Variants in TMEM267 observed in about 807,000 individuals in gnomAD.
The protein encoded by TMEM267 is transmembrane protein C5orf28.
A neutral mutation model predicts 19.3 loss-of-function variants in TMEM267; 20 were observed. The observed-to-expected ratio is 1.04, with a 90% CI of 0.73 to 1.51. The LOEUF (loss-of-function observed/expected upper bound fraction) is 1.51. TMEM267 is among the 40% of genes most tolerant of loss of function. The pLI is 0.00. For missense variants in TMEM267, 242 were observed against 261.9 expected (o/e 0.92, Z 0.52); for synonymous variants, 88 against 90.3 (o/e 0.97, Z 0.15).
intron 1 of TMEM267, among the ~76,000 whole-genome samples, chr5:43,464,537 G>A (rs1194533689): frequency 2.0e-5 from 3 of 152,236 alleles, no homozygotes; most frequent in Non-Finnish European, 4.4e-5. Context: ...GAGGCATCAC[G>A]CTACCTGACT....
intron 1 of TMEM267, among the ~76,000 whole-genome samples, chr5:43,480,435 T>C (rs866989154): frequency 3.3e-5 from 5 of 152,188 alleles, no homozygotes; most frequent in Middle Eastern, 6.8e-3. Context: ...TGACTCAGTC[T>C]CCTGAGTAGC....
intron 1 of TMEM267, 102 bp from the exon 2 acceptor site, chr5:43,454,145 G>C: frequency 4.1e-6 from 3 of 736,356 alleles, no homozygotes; most frequent in Non-Finnish European, 4.0e-6. Flanking sequence ...ATAAAACCAA[G>C]ATGTAAATAC....
intron 1 of TMEM267, among the ~76,000 whole-genome samples, chr5:43,468,365 C>A (rs1236566495): frequency 1.9e-4 from 29 of 152,006 alleles, no homozygotes; most frequent in Non-Finnish European, 1.5e-5. Context: ...AGTCAGCTTG[C>A]ACAAGTTAAG....
At chr5:43,467,612 T>C (rs1488254525) in intron 1 of TMEM267, among the ~76,000 whole-genome samples, 1 of 152,128 alleles carries the variant, frequency 6.6e-6, no homozygotes, top group Non-Finnish European at 1.5e-5. Context: ...AAGAGAGAGA[T>C]AGGCCCCAAT....
intron 1 of TMEM267, among the ~76,000 whole-genome samples, chr5:43,476,471 C>A (rs1045012504): frequency 6.4e-5 from 8 of 125,288 alleles, no homozygotes; most frequent in African/African-American, 2.4e-4. Flanking sequence ...AGTAGTTCTG[C>A]TTCTTTGATG....
chr5:43,467,494 T>C (rs188365757), intron 1 of TMEM267, among the ~76,000 whole-genome samples: 23 of 152,320 alleles, frequency 1.5e-4, no homozygotes, highest in Middle Eastern at 6.8e-3. Context: ...ACAAGGTCAC[T>C]GTATAATGAC....
intron 1 of TMEM267, among the ~76,000 whole-genome samples, chr5:43,471,796 A>C (rs912994030): frequency 6.6e-6 from 1 of 152,186 alleles, no homozygotes; most frequent in Admixed American, 6.5e-5. Flanking sequence ...ATCAAATCAA[A>C]ATGGATTAAA....
chr5:43,481,566 T>C (rs566580323), intron 1 of TMEM267, among the ~76,000 whole-genome samples: 2 of 152,280 alleles, frequency 1.3e-5, no homozygotes, highest in South Asian at 4.1e-4. Context: ...TACAAAAAAC[T>C]GTATCACGGT....
chr5:43,462,016 C>A (rs1287721156), intron 1 of TMEM267, among the ~76,000 whole-genome samples: 1 of 152,216 alleles, frequency 6.6e-6, no homozygotes, highest in African/African-American at 2.4e-5. Flanking sequence ...AGGTCTGACC[C>A]AGCACAGTCA....
intron 2 of TMEM267, among the ~76,000 whole-genome samples, chr5:43,449,598 G>A (rs186506421): frequency 2.4e-4 from 37 of 152,302 alleles, no homozygotes; most frequent in Non-Finnish European, 1.2e-4. Context: ...AGCCCTCCAC[G>A]CAAAAGATAA....
intron 1 of TMEM267, among the ~76,000 whole-genome samples, chr5:43,465,206 A>G (rs1419376850): frequency 6.6e-6 from 1 of 152,256 alleles, no homozygotes; most frequent in Non-Finnish European, 1.5e-5. Context: ...ACATGAAAAA[A>G]TGCTCATCAT....
intron 1 of TMEM267, among the ~76,000 whole-genome samples, chr5:43,460,413 C>T (rs1322458562): frequency 6.6e-6 from 1 of 152,062 alleles, no homozygotes; most frequent in Non-Finnish European, 1.5e-5. Context: ...GAATAGAAGC[C>T]TCCACCAATC....
chr5:43,456,040 G>A (rs72756522), intron 1 of TMEM267, among the ~76,000 whole-genome samples: 4,565 of 151,154 alleles, frequency 0.03, 69 homozygotes, highest in Middle Eastern at 0.048. Flanking sequence ...CTCTAGAGAG[G>A]CCTCGAACTC....
intron 1 of TMEM267, 103 bp from the exon 2 acceptor site, chr5:43,454,146 A>C: frequency 1.3e-6 from 1 of 749,242 alleles, no homozygotes. Flanking sequence ...TAAAACCAAG[A>C]TGTAAATACT....
At chr5:43,469,700 C>G (rs376444585) in intron 1 of TMEM267, among the ~76,000 whole-genome samples, 3 of 152,188 alleles carry the variant, frequency 2.0e-5, no homozygotes, top group African/African-American at 7.2e-5. Context: ...ATCACTAAAT[C>G]AAGAGAAAAG....
At chr5:43,462,368 C>T (rs976127842) in intron 1 of TMEM267, among the ~76,000 whole-genome samples, 2 of 152,102 alleles carry the variant, frequency 1.3e-5, no homozygotes, top group Non-Finnish European at 2.9e-5. Context: ...GTCATCAATG[C>T]CCAGACACTG....
intron 1 of TMEM267, among the ~76,000 whole-genome samples, chr5:43,467,929 A>G (rs1369320110): frequency 6.6e-6 from 1 of 152,162 alleles, no homozygotes; most frequent in Admixed American, 6.5e-5. Flanking sequence ...TTTGAGCTGT[A>G]TCTGCCTTTC....
At chr5:43,472,337 T>C (rs1362374079) in intron 1 of TMEM267, among the ~76,000 whole-genome samples, 1 of 152,176 alleles carries the variant, frequency 6.6e-6, no homozygotes, top group African/African-American at 2.4e-5. Context: ...TGTACTCTCT[T>C]GGTGGGAATG....
chr5:43,463,586 C>T (rs1478383055), intron 1 of TMEM267, among the ~76,000 whole-genome samples: 1 of 152,170 alleles, frequency 6.6e-6, no homozygotes, highest in African/African-American at 2.4e-5. Flanking sequence ...AAAATCCACC[C>T]CACCATGATC....
Sources: allele counts gnomAD v4.1 joint callset (sites outside exome capture counted in the v4.1 genomes callset), GRCh38; gene constraint gnomAD v4.1.1; transcripts MANE v1.5; gene names NCBI Gene and HGNC (gene_info 2026-07-23, HGNC 2026-07-21).